The following PIGZ variants were observed in gnomAD, a reference collection of about 807,000 sequenced individuals.
PIGZ encodes phosphatidylinositol glycan anchor biosynthesis class Z (Gwada blood group).
In PIGZ, 16 loss-of-function variants were observed where a neutral mutation model predicts 16.4. That is an observed-to-expected ratio of 0.97 (90% CI 0.66 to 1.48). The LOEUF (loss-of-function observed/expected upper bound fraction) is 1.48. Ranked by LOEUF, PIGZ falls within the 40% of genes most tolerant of loss-of-function variation. The pLI is 0.00. For missense variants in PIGZ, 770 were observed against 739.2 expected, an observed-to-expected ratio of 1.04 and a Z score of -0.48; for synonymous variants, 409 against 338.4, an observed-to-expected ratio of 1.21 and a Z score of -2.29.
chr3:196,954,890 G>A (rs558827327), intron 1 of PIGZ, among the ~76,000 whole-genome samples: 2 of 151,894 alleles, frequency 1.3e-5, no homozygotes, highest in Non-Finnish European at 2.9e-5. Flanking sequence ...AGTTCTATAA[G>A]TTGTCATTAG....
In PIGZ at chr3:196,947,058, C is replaced by G; in HGVS notation, c.*99G>C. 1 of 1,093,856 alleles carries G rather than the reference C, an allele frequency of 9.1e-7. No individual in the cohort carries two copies. The highest frequency in any genetic ancestry group is 1.7e-5 in the South Asian group (1 of 59,290). The allele number at this position is 1,093,856 out of a possible 1,614,324, so 67.8% of individuals were successfully genotyped here. On this transcript the variant is annotated 3_prime_UTR_variant, in exon 3 of 3. Transcript: ENST00000412723. Reference sequence around the variant, plus strand: ...CAGCAGTGGGAGTCATGAAGGAGGACGGGGTCCTGTCCCAGCGTCCCAGCC... The same window carrying G: ...CAGCAGTGGGAGTCATGAAGGAGGAGGGGGTCCTGTCCCAGCGTCCCAGCC...
Position 196,947,425 on chromosome 3 carries a change from T to A in PIGZ, c.1472A>T (p.Glu491Val). The change falls in exon 3 of 3, where the codon GAG (glutamate) becomes GTG (valine). Residue 491 changes from glutamate (E) to valine (V), a missense_variant. Glu to Val is a moderately radical substitution (Grantham distance 121). Coordinates refer to ENST00000412723, the MANE Select transcript of PIGZ (RefSeq NM_025163.4). ...CAGGGTTTGGCACAGGGCCCAGTCC[T>A]CAGTCCCCCCCATGTCCACCACCTC... is the stretch of plus-strand genomic sequence containing the variant. ...PVEVVDMGGT[E>V]DWALCQTLKS... 6.2e-7 allele frequency: 1 copy of A among 1,613,848 alleles called. No homozygotes were observed. Among genetic ancestry groups the A allele is most frequent in the Non-Finnish European group, 8.5e-7 (1 of 1,180,024 alleles).
chr3:196,947,295 G>T lies in PIGZ; in HGVS notation c.1602C>A (p.Cys534Ter). The T allele has an allele frequency of 2.5e-6, 4 of 1,614,168 alleles. No individual in the cohort carries two copies. Among genetic ancestry groups the T allele is most frequent in the Non-Finnish European group, 3.4e-6 (4 of 1,180,000 alleles). ...GTGTTTCATTCTTGAAGGGGAAGCT[G>T]CACTTCTCCACGGCACGCCTGGTGG... is the stretch of plus-strand genomic sequence containing the variant. Reference protein sequence around the residue: ...PGTTRRAVEKCSFPFKNETLL... With the variant: ...PGTTRRAVEK Residue 534 changes from cysteine to a stop codon, truncating the protein, a stop_gained, in exon 3 of 3, where the codon TGC becomes TGA. Transcript: ENST00000412723. LOFTEE classifies it high-confidence loss of function.
rs773302204 is a variant in PIGZ at position 196,947,147 on chromosome 3, T to G, written c.*10A>C. The stretch of plus-strand genomic sequence containing the variant: ...GCTGAGTCTTGGGCAGTGGGTGCTC[T>G]GTCATATTGTCAGGTTTCTTCCCCC... On this transcript the variant is annotated 3_prime_UTR_variant, in exon 3 of 3. Transcript: ENST00000412723. The G allele has an allele frequency of 1.3e-6, 2 of 1,533,114 alleles. No individual in the cohort carries two copies. Among genetic ancestry groups the G allele is most frequent in the Non-Finnish European group, 1.8e-6 (2 of 1,139,208 alleles). 95.0% of individuals were successfully genotyped at this position (1,533,114 alleles called of 1,614,324 possible). A position where few individuals can be genotyped will look rare whatever the true frequency, so the allele number is the denominator to read the frequency against.
chr3:196,963,134 G>A (rs750134388), intron 1 of PIGZ, among the ~76,000 whole-genome samples: 11 of 152,140 alleles, frequency 7.2e-5, no homozygotes, highest in Non-Finnish European at 1.2e-4. Context: ...GTATCACTAC[G>A]TCCTTACTTT....
intron 1 of PIGZ, among the ~76,000 whole-genome samples, chr3:196,962,035 G>C (rs185798769): frequency 2.0e-5 from 3 of 152,130 alleles, no homozygotes; most frequent in African/African-American, 7.2e-5. Flanking sequence ...GAAATCGTAA[G>C]GTCTGTATGG....
intron 1 of PIGZ, among the ~76,000 whole-genome samples, chr3:196,964,151 C>T (rs1230936341): frequency 1.3e-5 from 2 of 152,090 alleles, no homozygotes; most frequent in East Asian, 1.9e-4. Context: ...CCCGGGTTCA[C>T]GCCATTCTCC....
chr3:196,949,037 T>TCC (rs796224468), intron 2 of PIGZ, among the ~76,000 whole-genome samples: 1 of 22,248 alleles, frequency 4.5e-5, no homozygotes, highest in African/African-American at 3.3e-4. Flanking sequence ...TTCCTTCCCT[T>TCC]CCTTCCTTCC....
intron 1 of PIGZ, among the ~76,000 whole-genome samples, chr3:196,952,715 C>T (rs1717338211): frequency 6.6e-6 from 1 of 152,202 alleles, no homozygotes; most frequent in Non-Finnish European, 1.5e-5. Context: ...GGATTACAGG[C>T]GTGAGCCACC....
intron 1 of PIGZ, among the ~76,000 whole-genome samples, chr3:196,961,631 C>G (rs1717725816): frequency 6.6e-6 from 1 of 152,148 alleles, no homozygotes; most frequent in African/African-American, 2.4e-5. Flanking sequence ...AACAACCAGA[C>G]TTGGTACTGC....
At position 196,948,166 on chromosome 3, in the gene PIGZ, C is replaced by T. The variant is rs202144183; in HGVS notation, c.731G>A (p.Arg244His). The T allele has an allele frequency of 1.7e-5, 28 of 1,612,992 alleles. No homozygotes were observed. In the South Asian group the frequency reaches 2.2e-4, roughly 13 times the overall value. The change falls in exon 3 of 3, where the codon CGT becomes CAT. Residue 244 changes from arginine (R) to histidine (H), a missense_variant. By Grantham distance (29) the Arg-to-His change is conservative. Coordinates refer to ENST00000412723, the MANE Select transcript of PIGZ (RefSeq NM_025163.4). ...CTTCAAACCAGGGTTTGTGGCTCCA[C>T]GAGTGCCCCAGAGGTAGAGGGGGAC... ...AVVPLYLWGTRGATNPGLKSL... is the reference protein window; with the variant it reads ...AVVPLYLWGTHGATNPGLKSL...
chr3:196,947,620 A>G lies in PIGZ; in HGVS notation c.1277T>C (p.Leu426Pro), dbSNP rs1282981799. Reference sequence around the variant, plus strand: ...GCCCCCCTGATGCAGGCAGCCGAAGAGGAGGGCACCGAGGGCGTTGAAGAG... The same window carrying G: ...GCCCCCCTGATGCAGGCAGCCGAAGGGGAGGGCACCGAGGGCGTTGAAGAG... The part of the protein sequence containing the change: ...VVLFNALGAL[L>P]FGCLHQGGLV... The change falls in exon 3 of 3, where the codon CTC becomes CCC. Residue 426 changes from leucine (L) to proline (P), a missense_variant. Leu to Pro is a moderately conservative substitution (Grantham distance 98). Transcript: ENST00000412723. 6.2e-7 allele frequency: 1 copy of G among 1,613,380 alleles called. No homozygotes were observed. Among genetic ancestry groups the G allele is most frequent in the African/African-American group, 1.3e-5 (1 of 75,060 alleles).
At position 196,957,073 on chromosome 3, in the gene PIGZ, C is replaced by T. The variant is rs1560186821; in HGVS notation, c.1-5042G>A. Among the ~76,000 whole-genome samples the T allele has an allele frequency of 2.0e-5, 3 of 152,166 alleles. No individual in the cohort carries two copies. The South Asian group carries it at 6.2e-4, about 32-fold the overall frequency. Reference sequence around the variant, plus strand: ...TTGAGGTCAGGGATGAGGCAAATTTCTTAGTTCCTCTTGAAGGGATTTACA... The same window carrying T: ...TTGAGGTCAGGGATGAGGCAAATTTTTTAGTTCCTCTTGAAGGGATTTACA... On this transcript the variant is annotated intron_variant, in intron 1 of 2. Transcript: ENST00000412723.
At chr3:196,956,310 G>A (rs1045874754) in intron 1 of PIGZ, among the ~76,000 whole-genome samples, 13 of 152,184 alleles carry the variant, frequency 8.5e-5, no homozygotes, top group Non-Finnish European at 1.8e-4. Context: ...GGCTGGGGAG[G>A]CCTCACAATC....
chr3:196,961,468 G>C (rs1034781020), intron 1 of PIGZ, among the ~76,000 whole-genome samples: 1 of 152,190 alleles, frequency 6.6e-6, no homozygotes, highest in African/African-American at 2.4e-5. Flanking sequence ...ATGTTGCCAG[G>C]TGTGGTGGTG....
intron 1 of PIGZ, among the ~76,000 whole-genome samples, chr3:196,964,392 C>T (rs371644068): frequency 1.4e-5 from 2 of 148,024 alleles, no homozygotes; most frequent in East Asian, 2.0e-4. Flanking sequence ...TGGAGTCTTG[C>T]TTGTCGCCTA....
At chr3:196,959,266 A>G (rs1429094610) in intron 1 of PIGZ, among the ~76,000 whole-genome samples, 3 of 152,196 alleles carry the variant, frequency 2.0e-5, no homozygotes, top group Non-Finnish European at 4.4e-5. Flanking sequence ...GGGCTGCTCC[A>G]TCTCAGTAGT....
At chr3:196,960,826 G>A (rs555156427) in intron 1 of PIGZ, among the ~76,000 whole-genome samples, 31 of 151,962 alleles carry the variant, frequency 2.0e-4, no homozygotes, top group African/African-American at 7.5e-4. Context: ...TCAAGAACAA[G>A]GACAAAATAA....
chr3:196,947,656 C>T lies in PIGZ; in HGVS notation c.1241G>A (p.Gly414Asp). ...SPQTQPVPWK[G>D]TVVLFNALGA... is the part of the protein sequence containing the mutation. ...GAGGGCGTTGAAGAGGACCACAGTG[C>T]CCTTCCAAGGCACAGGCTGCGTCTG... The change falls in exon 3 of 3, where the codon GGC (glycine) becomes GAC (aspartate). Residue 414 changes from glycine (G) to aspartate (D), a missense_variant. Coordinates refer to ENST00000412723, the MANE Select transcript of PIGZ (RefSeq NM_025163.4). The T allele has an allele frequency of 6.2e-7, 1 of 1,611,148 alleles. No homozygotes were observed. The highest frequency in any genetic ancestry group is 8.5e-7 in the Non-Finnish European group (1 of 1,178,158).
Sources: gnomAD v4.1 joint callset for allele counts (sites outside exome capture counted in the v4.1 genomes callset) on GRCh38, gnomAD v4.1.1 for gene constraint, MANE v1.5 for transcripts, NCBI Gene and HGNC (gene_info 2026-07-23, HGNC 2026-07-21) for gene names.